GALR1: variants seen among roughly 807,000 people sequenced by gnomAD.
GALR1 encodes galanin receptor type 1.
In GALR1, 11 loss-of-function variants were observed where a neutral mutation model predicts 17.9. That is an observed-to-expected ratio of 0.62 (90% CI 0.39 to 1.02). The LOEUF is 1.02. GALR1 is among the 50% of genes least tolerant of loss of function. The pLI is 0.01. For synonymous variants in GALR1, 206 were observed against 205.7 expected (o/e 1.00, Z -0.01); for missense variants, 441 against 456.9 (o/e 0.97, Z 0.32).
rs558579642 is a variant in GALR1 at position 77,270,156 on chromosome 18, T to G, written c.*1254T>G. ...TGTATCGGAAAAGTACTTTTCAGAC[T>G]GTAAGACTTTGATATGTTTTAGGAG... On this transcript the variant is annotated 3_prime_UTR_variant, in exon 3 of 3. Transcript: ENST00000299727. The G allele has an allele frequency of 1.4e-4, 21 of 152,350 alleles. No homozygotes were observed. Among genetic ancestry groups the G allele is most frequent in the African/African-American group, 5.0e-4 (21 of 41,590 alleles). The allele number at this position is 152,350 out of a possible 1,614,324, so 9.4% of individuals were successfully genotyped here. A position where few individuals can be genotyped will look rare whatever the true frequency, so the allele number is the denominator to read the frequency against.
At chr18:77,259,344 A>G (rs1422544056) in intron 2 of GALR1, among the ~76,000 whole-genome samples, 1 of 115,962 alleles carries the variant, frequency 8.6e-6, no homozygotes, top group Non-Finnish European at 1.8e-5. Context: ...GATTGTGGTG[A>G]TGGTGGTGGA....
intron 2 of GALR1, among the ~76,000 whole-genome samples, chr18:77,256,572 A>G (rs181211473): frequency 9.9e-5 from 15 of 152,230 alleles, no homozygotes; most frequent in Non-Finnish European, 1.6e-4. Flanking sequence ...GAGGGAAAGT[A>G]TAGTCATTTT....
At chr18:77,256,574 A>T (rs956739981) in intron 2 of GALR1, among the ~76,000 whole-genome samples, 1 of 138,834 alleles carries the variant, frequency 7.2e-6, no homozygotes, top group African/African-American at 2.5e-5. Flanking sequence ...GGGAAAGTAT[A>T]GTCATTTTGT....
At chr18:77,262,526 T>C (rs941734643) in intron 2 of GALR1, among the ~76,000 whole-genome samples, 1 of 152,190 alleles carries the variant, frequency 6.6e-6, no homozygotes, top group Non-Finnish European at 1.5e-5. Flanking sequence ...TTTGCCACAT[T>C]GTCATTGCTA....
At position 77,250,930 on chromosome 18, in the gene GALR1, G is replaced by C; in HGVS notation, c.382G>C (p.Ala128Pro). Residue 128 changes from alanine to proline, a missense_variant, in exon 1 of 3, where the codon GCG becomes CCG. Physicochemically the swap from Ala to Pro is conservative, Grantham distance 27. Coordinates refer to ENST00000299727, the MANE Select transcript of GALR1 (RefSeq NM_001480.4). ...GCTGGTGAGCATCTTCACCCTGGCC[G>C]CGATGTCCGTGGACCGCTACGTGGC... is the stretch of plus-strand genomic sequence containing the variant. ...SMLVSIFTLAAMSVDRYVAIV... is the reference protein window; with the variant it reads ...SMLVSIFTLAPMSVDRYVAIV... 1 of 1,604,776 alleles carries C rather than the reference G, an allele frequency of 6.2e-7. No homozygotes were observed. Among genetic ancestry groups the C allele is most frequent in the Non-Finnish European group, 8.5e-7 (1 of 1,179,960 alleles).
intron 2 of GALR1, among the ~76,000 whole-genome samples, chr18:77,257,685 T>C (rs1412469674): frequency 6.6e-6 from 1 of 152,244 alleles, no homozygotes; most frequent in Non-Finnish European, 1.5e-5. Flanking sequence ...CAGTTATTTT[T>C]AGAGCACCTG....
chr18:77,254,677 C>T (rs1006949462), intron 1 of GALR1, among the ~76,000 whole-genome samples: 3 of 152,222 alleles, frequency 2.0e-5, no homozygotes, highest in Admixed American at 6.5e-5. Flanking sequence ...CCCTTTCCTT[C>T]CCCTTTGAAA....
At chr18:77,252,067 G>C (rs1187630226) in intron 1 of GALR1, among the ~76,000 whole-genome samples, 2 of 152,164 alleles carry the variant, frequency 1.3e-5, no homozygotes, top group Non-Finnish European at 2.9e-5. Context: ...AACTGTAGCA[G>C]AGGCACCGTC....
intron 2 of GALR1, among the ~76,000 whole-genome samples, chr18:77,265,819 T>C (rs991136612): frequency 1.5e-4 from 23 of 152,180 alleles, no homozygotes; most frequent in Non-Finnish European, 2.8e-4. Flanking sequence ...TAGCCACAGC[T>C]GGGACACAGG....
Position 77,268,820 on chromosome 18 carries a change from G to T in GALR1, c.968G>T (p.Arg323Leu), listed in dbSNP as rs765432250. 3.1e-6 allele frequency: 5 copies of T among 1,613,750 alleles called. No individual in the cohort carries two copies. Among genetic ancestry groups the T allele is most frequent in the Admixed American group, 1.7e-5 (1 of 60,024 alleles). Residue 323 changes from arginine (R) to leucine (L), a missense_variant, in exon 3 of 3, where the codon CGC (arginine) becomes CTC (leucine). Transcript: ENST00000299727. ...AAACAAGTGTTCAAGTGTCACATTC[G>T]CAAAGATTCACACCTGAGTGATACT... The part of the protein sequence containing the change: ...AYKQVFKCHI[R>L]KDSHLSDTKE...
chr18:77,259,737 G>A lies in GALR1; in HGVS notation c.732+3514G>A, dbSNP rs147956360. Among the ~76,000 whole-genome samples, 386 of 151,944 alleles carry A rather than the reference G, an allele frequency of 2.5e-3. 3 individuals carry two copies. The highest frequency in any genetic ancestry group is 8.4e-3 in the African/African-American group (349 of 41,390). Reference sequence around the variant, plus strand: ...GTAATGGTGGTGGTGGTATGTGTGTGTCTAAGAAAGAGATGGGAGAGAGGA... The same window carrying A: ...GTAATGGTGGTGGTGGTATGTGTGTATCTAAGAAAGAGATGGGAGAGAGGA... On this transcript the variant is annotated intron_variant, in intron 2 of 2. Transcript: ENST00000299727.
At position 77,270,539 on chromosome 18, in the gene GALR1, TG is replaced by T. The variant is rs1913043222; in HGVS notation, c.*1638del. The T allele has an allele frequency of 6.6e-6, 1 of 151,356 alleles. No individual in the cohort carries two copies. Among genetic ancestry groups the T allele is most frequent in the South Asian group, 2.1e-4 (1 of 4,784 alleles). 9.4% of individuals were successfully genotyped at this position (151,356 alleles called of 1,614,324 possible). On this transcript the variant is annotated 3_prime_UTR_variant, in exon 3 of 3. Coordinates refer to ENST00000299727, the MANE Select transcript of GALR1 (RefSeq NM_001480.4). ...AAATATATATATATATGTGTGTGTGTGTGTGTGTGTGTGTGTGTGTGTGTAA... is the reference window on the plus strand; with the variant it reads ...AAATATATATATATATGTGTGTGTGTTGTGTGTGTGTGTGTGTGTGTGTAA...
chr18:77,265,594 C>A (rs1379845047), intron 2 of GALR1, among the ~76,000 whole-genome samples: 1 of 152,184 alleles, frequency 6.6e-6, no homozygotes, highest in Non-Finnish European at 1.5e-5. Flanking sequence ...TCTGTACTGC[C>A]CCAGCAGAGG....
intron 2 of GALR1, among the ~76,000 whole-genome samples, chr18:77,257,774 G>T (rs914693866): frequency 6.6e-6 from 1 of 152,232 alleles, no homozygotes; most frequent in South Asian, 2.1e-4. Context: ...TAATGGAAGA[G>T]ATCAATGTGT....
In GALR1 at chr18:77,274,822, T is replaced by C. The variant is rs1487612718; in HGVS notation, c.*5920T>C. ...TGTTGACTTTCTGATTATGCCTTCATTCACTCTTTTTATTACTTATACACA... is the reference window on the plus strand; with the variant it reads ...TGTTGACTTTCTGATTATGCCTTCACTCACTCTTTTTATTACTTATACACA... On this transcript the variant is annotated 3_prime_UTR_variant, in exon 3 of 3. Transcript: ENST00000299727. 6.6e-6 allele frequency: 1 copy of C among 152,238 alleles called. No homozygotes were observed. Among genetic ancestry groups the C allele is most frequent in the East Asian group, 1.9e-4 (1 of 5,202 alleles). 9.4% of individuals were successfully genotyped at this position (152,238 alleles called of 1,614,324 possible). A position where few individuals can be genotyped will look rare whatever the true frequency, so the allele number is the denominator to read the frequency against.
chr18:77,256,279 G>GT (rs1555672410), intron 2 of GALR1, 56 bp downstream of exon 2: 71 of 1,030,108 alleles, frequency 6.9e-5, no homozygotes, highest in Middle Eastern at 2.5e-4. Context: ...GTTTACCTTT[G>GT]TTTTTTTTAC....
chr18:77,272,321 A>G lies in GALR1; in HGVS notation c.*3419A>G, dbSNP rs67122346. On this transcript the variant is annotated 3_prime_UTR_variant, in exon 3 of 3. Coordinates refer to ENST00000299727, the MANE Select transcript of GALR1 (RefSeq NM_001480.4). ...TTGAGGCAGTGCAGCGATCATTCTA[A>G]TATGTTAACTGAGACCCAAGATCTC... The G allele has an allele frequency of 6.6e-6, 1 of 152,164 alleles. No homozygotes were observed. Among genetic ancestry groups the G allele is most frequent in the Non-Finnish European group, 1.5e-5 (1 of 68,034 alleles). 9.4% of individuals were successfully genotyped at this position (152,164 alleles called of 1,614,324 possible).
At chr18:77,261,229 G>T (rs377659937) in intron 2 of GALR1, among the ~76,000 whole-genome samples, 2 of 152,136 alleles carry the variant, frequency 1.3e-5, no homozygotes, top group South Asian at 2.1e-4. Context: ...AGTGTAAGAA[G>T]AATTTGTATA....
intron 2 of GALR1, among the ~76,000 whole-genome samples, chr18:77,267,088 G>T (rs1014187270): frequency 1.2e-4 from 19 of 152,250 alleles, no homozygotes; most frequent in Non-Finnish European, 2.2e-4. Context: ...TTTCCTATGA[G>T]AAGTAAACTT....
Sources: allele counts gnomAD v4.1 joint callset (sites outside exome capture counted in the v4.1 genomes callset), GRCh38; gene constraint gnomAD v4.1.1; transcripts MANE v1.5; gene names NCBI Gene and HGNC (gene_info 2026-07-23, HGNC 2026-07-21).